MIS18A: variants seen among roughly 807,000 people sequenced by gnomAD.
MIS18A encodes MIS18 kinetochore protein A, also known as protein Mis18-alpha.
Under a neutral mutation model 25.0 loss-of-function variants are expected in MIS18A, and 14 were observed. That is an observed-to-expected ratio of 0.56 (90% confidence interval 0.37 to 0.88). The LOEUF (loss-of-function observed/expected upper bound fraction) is 0.88. MIS18A is among the 40% of genes least tolerant of loss of function. MIS18A has a pLI of 0.00. For missense variants in MIS18A, 292 were observed against 290.8 expected, an observed-to-expected ratio of 1.00 and a Z score of -0.03; for synonymous variants, 134 against 118.6, an observed-to-expected ratio of 1.13 and a Z score of -0.84.
the MIS18A span, among the ~76,000 whole-genome samples, chr21:32,183,680 C>G: frequency 6.6e-6 from 1 of 152,204 alleles, no homozygotes; most frequent in Non-Finnish European, 1.5e-5. Context: ...CAGCTGCTGA[C>G]ACACCTTGTT....
chr21:32,176,922 A>G, the MIS18A span, among the ~76,000 whole-genome samples: 2 of 152,164 alleles, frequency 1.3e-5, no homozygotes, highest in African/African-American at 2.4e-5. Flanking sequence ...TGGGTACCAA[A>G]GCGTGATGAA....
the MIS18A span, among the ~76,000 whole-genome samples, chr21:32,164,480 G>C: frequency 2.0e-5 from 3 of 152,040 alleles, no homozygotes; most frequent in East Asian, 5.8e-4. Context: ...ATTTAATATA[G>C]TGTGTTACCC....
At chr21:32,176,734 A>T in the MIS18A span, among the ~76,000 whole-genome samples, 1 of 152,162 alleles carries the variant, frequency 6.6e-6, no homozygotes, top group Non-Finnish European at 1.5e-5. Context: ...AGCAAAAATT[A>T]ACAACATAGA....
chr21:32,222,714 G>A, the MIS18A span, among the ~76,000 whole-genome samples: 2 of 151,338 alleles, frequency 1.3e-5, no homozygotes, highest in African/African-American at 2.4e-5. Flanking sequence ...GGCGGGTCAC[G>A]AGGTCAGGAG....
the MIS18A span, among the ~76,000 whole-genome samples, chr21:32,174,654 TAAAC>T: frequency 6.6e-6 from 1 of 152,206 alleles, no homozygotes; most frequent in African/African-American, 2.4e-5. Flanking sequence ...AAAGAAATAG[TAAAC>T]AAATCCACAA....
At chr21:32,196,563 A>G in the MIS18A span, among the ~76,000 whole-genome samples, 1 of 150,834 alleles carries the variant, frequency 6.6e-6, no homozygotes, top group African/African-American at 2.4e-5. Context: ...CAAGCAATTC[A>G]CCTGCCTCAG....
At chr21:32,156,127 C>T in the MIS18A span, among the ~76,000 whole-genome samples, 30 of 152,216 alleles carry the variant, frequency 2.0e-4, no homozygotes, top group African/African-American at 5.8e-4. Flanking sequence ...GCTTTGAAAA[C>T]GAGATGTTTG....
chr21:32,263,129 C>T, the MIS18A span, among the ~76,000 whole-genome samples: 1 of 152,248 alleles, frequency 6.6e-6, no homozygotes, highest in African/African-American at 2.4e-5. Context: ...TCATTGCTAA[C>T]AAATTGTCTC....
chr21:32,269,604 C>A, intron 4 of MIS18A, 103 bp downstream of exon 4: 1 of 675,172 alleles, frequency 1.5e-6, no homozygotes, highest in Non-Finnish European at 2.5e-6. Flanking sequence ...ACTCTTCCTG[C>A]AATCAACACA....
At chr21:32,242,029 C>T in the MIS18A span, among the ~76,000 whole-genome samples, 1 of 152,322 alleles carries the variant, frequency 6.6e-6, no homozygotes, top group Admixed American at 6.5e-5. Context: ...CAGGCGCCCG[C>T]CACCACGCCC....
the MIS18A span, among the ~76,000 whole-genome samples, chr21:32,239,742 C>A: frequency 6.6e-6 from 1 of 152,118 alleles, no homozygotes; most frequent in Admixed American, 6.5e-5. Context: ...TGAGTTCCAC[C>A]CTTAGGTTTG....
chr21:32,174,570 A>C, the MIS18A span, among the ~76,000 whole-genome samples: 3 of 152,216 alleles, frequency 2.0e-5, no homozygotes, highest in Admixed American at 2.0e-4. Context: ...TCAATTTCCC[A>C]GGAAGATACA....
At chr21:32,225,367 C>T in the MIS18A span, among the ~76,000 whole-genome samples, 1 of 94,270 alleles carries the variant, frequency 1.1e-5, no homozygotes. Flanking sequence ...AGAAAATTTT[C>T]GCAACCTACT....
At chr21:32,184,556 C>T in the MIS18A span, among the ~76,000 whole-genome samples, 2 of 152,130 alleles carry the variant, frequency 1.3e-5, no homozygotes, top group Non-Finnish European at 2.9e-5. Flanking sequence ...TTCCAGTCTG[C>T]ACTCATCTGA....
At chr21:32,205,458 C>T in the MIS18A span, among the ~76,000 whole-genome samples, 2 of 152,064 alleles carry the variant, frequency 1.3e-5, no homozygotes, top group Non-Finnish European at 2.9e-5. Flanking sequence ...GCAGATAGAG[C>T]ACCTGCAATG....
At chr21:32,219,304 C>G in the MIS18A span, among the ~76,000 whole-genome samples, 1 of 152,110 alleles carries the variant, frequency 6.6e-6, no homozygotes, top group Non-Finnish European at 1.5e-5. Context: ...ACTGGTTACA[C>G]AGTGGGTGCA....
chr21:32,257,043 T>C, the MIS18A span, among the ~76,000 whole-genome samples: 3 of 152,204 alleles, frequency 2.0e-5, no homozygotes, highest in African/African-American at 7.2e-5. Context: ...ACAGCAGTTG[T>C]TGCCTTGGAA....
At chr21:32,156,743 C>T in the MIS18A span, among the ~76,000 whole-genome samples, 1 of 151,990 alleles carries the variant, frequency 6.6e-6, no homozygotes, top group Admixed American at 6.6e-5. Context: ...TCTGTGAGAT[C>T]TATGAGGGAT....
At chr21:32,203,843 T>A in the MIS18A span, among the ~76,000 whole-genome samples, 1 of 152,100 alleles carries the variant, frequency 6.6e-6, no homozygotes, top group Non-Finnish European at 1.5e-5. Context: ...GGTCTTGGAC[T>A]CCTGGGCTCA....
Sources: gnomAD v4.1 joint callset for allele counts (sites outside exome capture counted in the v4.1 genomes callset) on GRCh38, gnomAD v4.1.1 for gene constraint, MANE v1.5 for transcripts, NCBI Gene and HGNC (gene_info 2026-07-23, HGNC 2026-07-21) for gene names.